Variants in ZNF713 observed in about 807,000 individuals in gnomAD.
ZNF713 encodes zinc finger protein 713.
In ZNF713, 21 loss-of-function variants were observed where a neutral mutation model predicts 28.7. The ratio of observed to expected loss-of-function variants is 0.73; its 90% CI spans 0.52 to 1.05. The LOEUF (loss-of-function observed/expected upper bound fraction) is 1.05. Among genes scored for constraint, ZNF713 ranks in the 50% least tolerant of loss-of-function variants. The pLI is 0.00. For missense variants in ZNF713, 458 were observed against 532.4 expected, an observed-to-expected ratio of 0.86 and a Z score of 1.37; for synonymous variants, 167 against 178.0, an observed-to-expected ratio of 0.94 and a Z score of 0.49.
chr7:55,892,891 C>T (rs1006770847), intron 1 of ZNF713, among the ~76,000 whole-genome samples: 2 of 139,796 alleles, frequency 1.4e-5, no homozygotes, highest in African/African-American at 5.4e-5. Context: ...AAAAAAAAGG[C>T]GGAGTAATAG....
chr7:55,902,610 A>G (rs549417378), intron 1 of ZNF713, among the ~76,000 whole-genome samples: 17 of 152,312 alleles, frequency 1.1e-4, no homozygotes, highest in African/African-American at 3.6e-4. Context: ...GCTCAGGCCT[A>G]TATCTCTCCA....
chr7:55,888,626 C>T (rs1298099599), intron 1 of ZNF713, among the ~76,000 whole-genome samples: 1 of 152,052 alleles, frequency 6.6e-6, no homozygotes, highest in Non-Finnish European at 1.5e-5. Context: ...GTGATCCTCC[C>T]GCCTTGGCCT....
intron 4 of ZNF713, among the ~76,000 whole-genome samples, chr7:55,915,594 G>C (rs985086839): frequency 5.3e-5 from 8 of 152,220 alleles, no homozygotes; most frequent in Non-Finnish European, 7.3e-5. Context: ...AGAAAGAAAA[G>C]ATAAGTAGAA....
intron 4 of ZNF713, among the ~76,000 whole-genome samples, chr7:55,917,258 T>G (rs1176198474): frequency 8.6e-6 from 1 of 116,784 alleles, no homozygotes; most frequent in African/African-American, 3.5e-5. Context: ...AGCATCTGCA[T>G]GGAAAAAAAA....
chr7:55,913,389 G>A (rs1356773581), intron 4 of ZNF713, among the ~76,000 whole-genome samples: 1 of 150,916 alleles, frequency 6.6e-6, no homozygotes, highest in Non-Finnish European at 1.5e-5. Flanking sequence ...TTTTAGTAGA[G>A]ATGAGCTTTC....
At chr7:55,932,139 G>A (rs1468250951) in intron 6 of ZNF713, among the ~76,000 whole-genome samples, 1 of 152,158 alleles carries the variant, frequency 6.6e-6, no homozygotes, top group Non-Finnish European at 1.5e-5. Context: ...ATTTTTCCAT[G>A]TGTAATTTAA....
At chr7:55,914,294 C>G (rs1418127240) in intron 4 of ZNF713, among the ~76,000 whole-genome samples, 2 of 152,064 alleles carry the variant, frequency 1.3e-5, no homozygotes, top group Non-Finnish European at 2.9e-5. Flanking sequence ...TTCTATCATT[C>G]CAATTATATG....
At chr7:55,923,383 G>A in intron 5 of ZNF713, 95 bp downstream of exon 5, 1 of 1,484,888 alleles carries the variant, frequency 6.7e-7, no homozygotes. Context: ...ATATAGTTTG[G>A]GCTGGGATAG....
At chr7:55,899,915 T>C (rs979336851) in intron 1 of ZNF713, among the ~76,000 whole-genome samples, 4 of 151,736 alleles carry the variant, frequency 2.6e-5, no homozygotes, top group Non-Finnish European at 4.4e-5. Context: ...GGCCAATTTT[T>C]GTATGTATAA....
chr7:55,900,484 G>A (rs565811486), intron 1 of ZNF713, among the ~76,000 whole-genome samples: 3 of 152,064 alleles, frequency 2.0e-5, no homozygotes, highest in African/African-American at 7.2e-5. Context: ...AAAAAATGTG[G>A]TATATATACA....
intron 6 of ZNF713, chr7:55,924,631 T>G (rs1786059956): frequency 6.6e-6 from 1 of 152,216 alleles, no homozygotes; most frequent in Admixed American, 6.5e-5. Context: ...CCTAGCACTT[T>G]AGGAGGCCGA....
In ZNF713 at chr7:55,923,684, C is replaced by T. The variant is rs897619842; in HGVS notation, c.292C>T (p.Leu98=). 1.9e-6 allele frequency: 3 copies of T among 1,611,776 alleles called. No individual in the cohort carries two copies. Among genetic ancestry groups the T allele is most frequent in the Non-Finnish European group, 1.7e-6 (2 of 1,178,916 alleles). Residue 98 remains leucine (L), a synonymous_variant, in exon 6 of 7, where the codon CTG becomes TTG. Coordinates refer to ENST00000429591, the MANE Select transcript of ZNF713 (RefSeq NM_182633.3). ...EEWVIERDSL[L]DTHPDGENRP... The stretch of plus-strand genomic sequence containing the variant: ...ATGGGTGATAGAAAGAGACAGCCTG[C>T]TGGATACTCATCCAGGTAAGTGCAC...
chr7:55,903,564 G>A (rs1172972623), intron 1 of ZNF713, among the ~76,000 whole-genome samples: 2 of 151,990 alleles, frequency 1.3e-5, no homozygotes, highest in Admixed American at 6.6e-5. Context: ...CCACTTGGGA[G>A]GCTGAGGCGG....
chr7:55,888,318 AC>A (rs1785317282), intron 1 of ZNF713, among the ~76,000 whole-genome samples: 1 of 152,092 alleles, frequency 6.6e-6, no homozygotes, highest in South Asian at 2.1e-4. Flanking sequence ...TCACTTTTCC[AC>A]GGAATTGCAG....
intron 6 of ZNF713, 109 bp from the exon 7 acceptor site, chr7:55,938,873 A>G (rs961551366): frequency 5.2e-6 from 6 of 1,159,232 alleles, no homozygotes; most frequent in Non-Finnish European, 1.2e-6. Context: ...TGCCTTGTAC[A>G]CATTACTGTC....
chr7:55,915,201 G>A (rs6974707), intron 4 of ZNF713, among the ~76,000 whole-genome samples: 25,376 of 152,204 alleles, frequency 0.17, 2,577 homozygotes, highest in South Asian at 0.22. Context: ...AGAAATAAGT[G>A]GCATGTCTGC....
In ZNF713 at chr7:55,939,183, C is replaced by T; in HGVS notation, c.509C>T (p.Thr170Ile). 1 of 1,613,848 alleles carries T rather than the reference C, an allele frequency of 6.2e-7. No individual in the cohort carries two copies. The highest frequency in any genetic ancestry group is 8.5e-7 in the Non-Finnish European group (1 of 1,179,944). Residue 170 changes from threonine to isoleucine, a missense_variant, in exon 7 of 7, where the codon ACC (threonine) becomes ATC (isoleucine). By Grantham distance (89) the Thr-to-Ile change is moderately conservative (BLOSUM62 -1). Coordinates refer to ENST00000429591, the MANE Select transcript of ZNF713 (RefSeq NM_182633.3). The part of the protein sequence containing the change: ...HKRYLGQVTL[T>I]HKKITQERSL... ...AGATATTTAGGACAAGTAACTTTGA[C>T]CCACAAAAAGATCACACAGGAGAGA...
intron 6 of ZNF713, among the ~76,000 whole-genome samples, chr7:55,930,715 G>A (rs1370793518): frequency 5.3e-5 from 8 of 152,050 alleles, no homozygotes; most frequent in South Asian, 4.1e-4. Flanking sequence ...GCAGTAAGCC[G>A]AGATCGTGCT....
intron 6 of ZNF713, among the ~76,000 whole-genome samples, chr7:55,933,808 A>C (rs1786291364): frequency 6.6e-6 from 1 of 152,168 alleles, no homozygotes; most frequent in African/African-American, 2.4e-5. Flanking sequence ...GGGCCCAAGC[A>C]GTTCTCCCAC....
Sources: gnomAD v4.1 joint callset for allele counts (sites outside exome capture counted in the v4.1 genomes callset) on GRCh38, gnomAD v4.1.1 for gene constraint, MANE v1.5 for transcripts, NCBI Gene and HGNC (gene_info 2026-07-23, HGNC 2026-07-21) for gene names.